The following PLD1 variants were observed in gnomAD, a reference collection of about 807,000 sequenced individuals.
PLD1 encodes the protein phospholipase D1, also known as choline phosphatase 1.
PLD1 carries 112 observed loss-of-function variants against 137.1 expected under a neutral mutation model. That is an observed-to-expected ratio of 0.82 (90% CI 0.70 to 0.96). PLD1 has a LOEUF of 0.96. Among genes scored for constraint, PLD1 ranks in the 40% least tolerant of loss-of-function variants. The pLI, the probability that PLD1 is intolerant of heterozygous loss-of-function variation, is 0.00. For missense variants in PLD1, 1,321 were observed against 1,342.0 expected, an observed-to-expected ratio of 0.98 and a Z score of 0.24; for synonymous variants, 431 against 454.7, an observed-to-expected ratio of 0.95 and a Z score of 0.66.
intron 23 of PLD1, among the ~76,000 whole-genome samples, chr3:171,625,446 C>T (rs1040697404): frequency 3.9e-5 from 6 of 152,224 alleles, no homozygotes; most frequent in Non-Finnish European, 7.3e-5. Context: ...AACAAAAAGA[C>T]AGCAGTAACC....
chr3:171,608,072 T>C (rs973746599), intron 25 of PLD1, among the ~76,000 whole-genome samples: 16 of 152,314 alleles, frequency 1.1e-4, no homozygotes, highest in Non-Finnish European at 2.1e-4. Flanking sequence ...ATATATTATC[T>C]GTGTTTGCCA....
At chr3:171,689,966 G>A (rs1428944310) in intron 13 of PLD1, among the ~76,000 whole-genome samples, 1 of 152,168 alleles carries the variant, frequency 6.6e-6, no homozygotes, top group Non-Finnish European at 1.5e-5. Context: ...GAGAAAGATT[G>A]GTGGTAATTC....
In PLD1 at chr3:171,709,581, T is replaced by C; in HGVS notation, c.1040A>G (p.Gln347Arg). 4.3e-6 allele frequency: 7 copies of C among 1,614,036 alleles called. No individual in the cohort carries two copies. The highest frequency in any genetic ancestry group is 5.9e-6 in the Non-Finnish European group (7 of 1,179,916). Residue 347 changes from glutamine to arginine, a missense_variant, in exon 10 of 27, where the codon CAA becomes CGA. Coordinates refer to ENST00000351298, the MANE Select transcript of PLD1 (RefSeq NM_002662.5). ...TTACCATTTAGCTAAAGCATTCTCT[T>C]GGATAGCAGCATATGACCCAAATCG... ...DHRFGSYAAI[Q>R]ENALAKWYVN...
At chr3:171,643,171 T>C (rs1039798900) in intron 22 of PLD1, 1 of 307,212 alleles carries the variant, frequency 3.3e-6, no homozygotes. Context: ...GGGTCATGAA[T>C]GAACTTTCCC....
chr3:171,600,408 G>T lies in PLD1; in HGVS notation c.*2670C>A, dbSNP rs1363384633. 1.3e-5 allele frequency: 2 copies of T among 152,074 alleles called. No individual in the cohort carries two copies. Among genetic ancestry groups the T allele is most frequent in the Admixed American group, 6.6e-5 (1 of 15,262 alleles). 9.4% of individuals were successfully genotyped at this position (152,074 alleles called of 1,614,324 possible). ...ATTACAGAAATTAGCAGGATGTCAG[G>T]TATATAGCATTTATAGGCATTTCAA... On this transcript the variant is annotated 3_prime_UTR_variant, in exon 27 of 27. Coordinates refer to ENST00000351298, the MANE Select transcript of PLD1 (RefSeq NM_002662.5).
intron 1 of PLD1, among the ~76,000 whole-genome samples, chr3:171,773,903 C>T (rs7614541): frequency 0.037 from 5,565 of 151,804 alleles, 236 homozygotes; most frequent in African/African-American, 0.1. Flanking sequence ...CGCCCGCCAC[C>T]GCACCCAGCT....
intron 23 of PLD1, among the ~76,000 whole-genome samples, chr3:171,639,820 T>TTCTCTC (rs778938858): frequency 7.5e-4 from 89 of 118,036 alleles, no homozygotes; most frequent in Middle Eastern, 4.6e-3. Context: ...TTTACATAAT[T>TTCTCTC]TCTCTCTCTC....
intron 25 of PLD1, among the ~76,000 whole-genome samples, chr3:171,609,845 C>A (rs1206561427): frequency 6.6e-6 from 1 of 151,978 alleles, no homozygotes; most frequent in African/African-American, 2.4e-5. Flanking sequence ...CCAGACTTCA[C>A]CCCTACACAA....
At chr3:171,609,238 C>T (rs1732447438) in intron 25 of PLD1, among the ~76,000 whole-genome samples, 1 of 152,088 alleles carries the variant, frequency 6.6e-6, no homozygotes, top group Admixed American at 6.6e-5. Context: ...CAAAAAACAA[C>T]AGCTGTTGGT....
chr3:171,800,589 T>A (rs74876138), intron 1 of PLD1, among the ~76,000 whole-genome samples: 1 of 152,158 alleles, frequency 6.6e-6, no homozygotes, highest in Non-Finnish European at 1.5e-5. Context: ...TATTTAGAGA[T>A]GCTCCAGAAG....
At chr3:171,789,570 GA>G (rs533787205) in intron 1 of PLD1, 1 of 152,112 alleles carries the variant, frequency 6.6e-6, no homozygotes, top group African/African-American at 2.4e-5. Flanking sequence ...GTACAAATGA[GA>G]AAAAAATATT....
rs577430190 is a variant in PLD1 at position 171,692,440 on chromosome 3, T to C, written c.1230A>G (p.Gln410=). ...GCATTATGAAGATCCTCACTCCTTG[T>C]TGCTGTCACAGGAGAAAACCGATGG... ...RLDCILKRKA[Q]QGVRIFIMLY... Residue 410 remains glutamine (Q), a splice_region_variant and synonymous_variant, in exon 13 of 27, where the codon CAA becomes CAG. Transcript: ENST00000351298. 1.4e-5 allele frequency: 21 copies of C among 1,509,220 alleles called. No individual in the cohort carries two copies. Among genetic ancestry groups the C allele is most frequent in the South Asian group, 1.0e-4 (9 of 88,526 alleles). 93.5% of individuals were successfully genotyped at this position (1,509,220 alleles called of 1,614,324 possible). A position where few individuals can be genotyped will look rare whatever the true frequency, so the allele number is the denominator to read the frequency against.
chr3:171,724,895 C>A lies in PLD1; in HGVS notation c.666-107G>T. On this transcript the variant is annotated intron_variant, in intron 7 of 26. Transcript: ENST00000351298. ...AATAAACCATCTCATTCTCACATGACTTTCCTCCCTACTCTCTCCTCCTCG... is the reference window on the plus strand; with the variant it reads ...AATAAACCATCTCATTCTCACATGAATTTCCTCCCTACTCTCTCCTCCTCG... 4.0e-6 allele frequency: 3 copies of A among 744,692 alleles called. No homozygotes were observed. The South Asian group carries it at 4.4e-5, about 11-fold the overall frequency. The allele number at this position is 744,692 out of a possible 1,614,324, so 46.1% of individuals were successfully genotyped here. A position where few individuals can be genotyped will look rare whatever the true frequency, so the allele number is the denominator to read the frequency against.
At chr3:171,672,873 G>A (rs1271989053) in intron 19 of PLD1, among the ~76,000 whole-genome samples, 1 of 152,242 alleles carries the variant, frequency 6.6e-6, no homozygotes, top group Non-Finnish European at 1.5e-5. Flanking sequence ...TCACCAGGCA[G>A]CAGGATGAGA....
chr3:171,791,637 C>A (rs765485448), intron 1 of PLD1, among the ~76,000 whole-genome samples: 23 of 152,164 alleles, frequency 1.5e-4, no homozygotes, highest in Non-Finnish European at 1.5e-5. Context: ...CTTCCTATTC[C>A]TTTAGCTTCA....
chr3:171,792,724 C>T lies in PLD1; in HGVS notation c.-32+17675G>A, dbSNP rs1034752214. On this transcript the variant is annotated intron_variant, in intron 1 of 26. Coordinates refer to ENST00000351298, the MANE Select transcript of PLD1 (RefSeq NM_002662.5). ...ACAAAAGGAGTCAAGGACATTTCTG[C>T]AGGGCACATACCAGGTTCCAGCATC... 5.7e-5 allele frequency: 26 copies of T among 456,562 alleles called. No homozygotes were observed. In the Admixed American group the frequency reaches 6.1e-4, roughly 11 times the overall value. The allele number at this position is 456,562 out of a possible 1,614,324, so 28.3% of individuals were successfully genotyped here.
At chr3:171,720,498 G>C (rs1200918755) in intron 8 of PLD1, among the ~76,000 whole-genome samples, 1 of 151,502 alleles carries the variant, frequency 6.6e-6, no homozygotes, top group African/African-American at 2.4e-5. Flanking sequence ...CAGGAGAACG[G>C]CATGAATCTG....
At chr3:171,738,235 G>C (rs544848552) in intron 1 of PLD1, among the ~76,000 whole-genome samples, 153 bp from the exon 2 acceptor site, 1 of 150,988 alleles carries the variant, frequency 6.6e-6, no homozygotes, top group Non-Finnish European at 1.5e-5. Context: ...TTTAGTTTAC[G>C]TTCCTGTTTA....
chr3:171,679,021 A>T (rs1225236088), intron 16 of PLD1, among the ~76,000 whole-genome samples: 1 of 151,890 alleles, frequency 6.6e-6, no homozygotes, highest in Non-Finnish European at 1.5e-5. Flanking sequence ...AGTCACTAGC[A>T]CTGCTGTCAT....
Sources: gnomAD v4.1 joint callset for allele counts (sites outside exome capture counted in the v4.1 genomes callset) on GRCh38, gnomAD v4.1.1 for gene constraint, MANE v1.5 for transcripts, NCBI Gene and HGNC (gene_info 2026-07-23, HGNC 2026-07-21) for gene names.